The following ABLIM3 variants were observed in gnomAD, a reference collection of about 807,000 sequenced individuals.
ABLIM3 encodes the protein actin binding LIM protein family member 3.
ABLIM3 carries 61 observed loss-of-function variants against 109.5 expected under a neutral mutation model. The ratio of observed to expected loss-of-function variants is 0.56; its 90% CI spans 0.45 to 0.69. ABLIM3 has a LOEUF of 0.69. ABLIM3 is among the 30% of genes least tolerant of loss of function. The pLI, the probability that ABLIM3 is intolerant of heterozygous loss-of-function variation, is 0.00. For missense variants in ABLIM3, 796 were observed against 889.5 expected (o/e 0.89, Z 1.34); for synonymous variants, 300 against 324.8 (o/e 0.92, Z 0.82).
At chr5:149,246,460 G>T (rs746170890) in intron 16 of ABLIM3, 22 bp from the exon 17 acceptor site, 33 of 1,613,604 alleles carry the variant, frequency 2.0e-5, no homozygotes, top group Non-Finnish European at 2.5e-5. Context: ...TGCCGGAGCT[G>T]ATCTTTTCTG....
chr5:149,177,732 G>T (rs770990353), intron 2 of ABLIM3, among the ~76,000 whole-genome samples: 5 of 152,230 alleles, frequency 3.3e-5, no homozygotes, highest in African/African-American at 4.8e-5. Flanking sequence ...TTTGAGCAAA[G>T]CTCAGTGGGT....
chr5:149,206,928 G>T, intron 5 of ABLIM3, 80 bp from the exon 6 acceptor site: 10 of 1,544,332 alleles, frequency 6.5e-6, no homozygotes, highest in Non-Finnish European at 7.9e-6. Flanking sequence ...TCAGGGAGGG[G>T]TTTCCTTGAC....
At chr5:149,159,257 TA>T (rs1423278256) in intron 2 of ABLIM3, among the ~76,000 whole-genome samples, 2 of 152,142 alleles carry the variant, frequency 1.3e-5, no homozygotes, top group African/African-American at 4.8e-5. Flanking sequence ...ACATGCTGAG[TA>T]AAAGAAATCA....
intron 19 of ABLIM3, 85 bp from the exon 20 acceptor site, chr5:149,250,362 G>A: frequency 7.2e-7 from 1 of 1,394,072 alleles, no homozygotes; most frequent in South Asian, 1.2e-5. Flanking sequence ...TGGGAGCAGT[G>A]TTGGCCATTG....
intron 2 of ABLIM3, among the ~76,000 whole-genome samples, chr5:149,167,262 G>C (rs1201048376): frequency 6.6e-6 from 1 of 152,136 alleles, no homozygotes. Flanking sequence ...TAGAGGTGAT[G>C]TGTGATGCAG....
intron 8 of ABLIM3, among the ~76,000 whole-genome samples, chr5:149,223,756 G>T (rs959224966): frequency 6.6e-6 from 1 of 152,188 alleles, no homozygotes; most frequent in African/African-American, 2.4e-5. Flanking sequence ...AGGACCTGTT[G>T]CCCACACTCA....
intron 8 of ABLIM3, chr5:149,217,911 C>A (rs1446771557): frequency 2.0e-5 from 3 of 152,182 alleles, no homozygotes; most frequent in Admixed American, 1.3e-4. Context: ...TGGTGAGGCT[C>A]ACCCAGCCCT....
In ABLIM3 at chr5:149,225,972, GTGTGTGTGTGTATATATA is replaced by G. The variant is rs1761171621; in HGVS notation, c.758-4675_758-4658del. 4.1e-5 allele frequency among the ~76,000 whole-genome samples: 3 copies of G among 73,952 alleles called. No individual in the cohort carries two copies. In the South Asian group the frequency reaches 1.3e-3, roughly 33 times the overall value. 48.5% of individuals were successfully genotyped at this position (73,952 alleles called of 152,430 possible). A position where few individuals can be genotyped will look rare whatever the true frequency, so the allele number is the denominator to read the frequency against. ...ATGTATATAATATGTGTGTGTGTGT[GTGTGTGTGTGTATATATA>G]TATATATATATATATATATATATAT... On this transcript the variant is annotated intron_variant, in intron 8 of 23. Transcript: ENST00000309868.
chr5:149,173,591 C>T (rs1339546963), intron 2 of ABLIM3, among the ~76,000 whole-genome samples: 1 of 152,158 alleles, frequency 6.6e-6, no homozygotes, highest in Non-Finnish European at 1.5e-5. Flanking sequence ...CAAGGGGTGG[C>T]ACTCCAGGCC....
intron 2 of ABLIM3, 70 bp downstream of exon 2, chr5:149,142,178 G>C (rs983222361): frequency 1.9e-6 from 3 of 1,587,918 alleles, no homozygotes; most frequent in African/African-American, 1.3e-5. Flanking sequence ...GCCTGCGCTC[G>C]GGCTGCCTGG....
intron 18 of ABLIM3, among the ~76,000 whole-genome samples, chr5:149,249,562 C>T (rs1046291863): frequency 2.0e-5 from 3 of 152,226 alleles, no homozygotes; most frequent in African/African-American, 7.2e-5. Flanking sequence ...TGTTCAACCA[C>T]ATCTGTGCAA....
chr5:149,147,306 A>G (rs1434567543), intron 2 of ABLIM3, among the ~76,000 whole-genome samples: 1 of 152,124 alleles, frequency 6.6e-6, no homozygotes, highest in Non-Finnish European at 1.5e-5. Context: ...AGCTTTTTCC[A>G]TATCTTTTGA....
chr5:149,251,208 A>T, intron 20 of ABLIM3, 151 bp from the exon 21 acceptor site: 1 of 725,308 alleles, frequency 1.4e-6, no homozygotes, highest in African/African-American at 1.7e-5. Flanking sequence ...GGGATATAGC[A>T]GCGAGTTAAG....
At chr5:149,209,806 G>A (rs779026834) in intron 6 of ABLIM3, among the ~76,000 whole-genome samples, 2 of 152,160 alleles carry the variant, frequency 1.3e-5, no homozygotes, top group Non-Finnish European at 2.9e-5. Flanking sequence ...TCCAGACCTT[G>A]GTCGGACATC....
chr5:149,216,884 A>T, intron 7 of ABLIM3, 75 bp from the exon 8 acceptor site: 1 of 1,333,868 alleles, frequency 7.5e-7, no homozygotes, highest in Non-Finnish European at 1.1e-6. Context: ...TACCCAGGAA[A>T]GATTCAAACC....
At chr5:149,213,374 A>G (rs1759752625) in intron 7 of ABLIM3, among the ~76,000 whole-genome samples, 2 of 152,206 alleles carry the variant, frequency 1.3e-5, no homozygotes, top group South Asian at 4.1e-4. Flanking sequence ...GCATTCAGTG[A>G]AAGGACAGAG....
At position 149,240,713 on chromosome 5, in the gene ABLIM3, G is replaced by C. The variant is rs201015850; in HGVS notation, c.1242G>C (p.Gln414His). ...ESGRSSPYHS[Q>H]LDVRSSTPTS... Reference sequence around the variant, plus strand: ...GCCGGAGCTCTCCATACCATAGCCAGTTAGATGTGAGGTCCTCCACTCCAA... The same window carrying C: ...GCCGGAGCTCTCCATACCATAGCCACTTAGATGTGAGGTCCTCCACTCCAA... The change falls in exon 14 of 24, where the codon CAG (glutamine) becomes CAC (histidine). Residue 414 changes from glutamine (Q) to histidine (H), a missense_variant. Transcript: ENST00000309868. 1 of 1,614,150 alleles carries C rather than the reference G, an allele frequency of 6.2e-7. No individual in the cohort carries two copies. Among genetic ancestry groups the C allele is most frequent in the African/African-American group, 1.3e-5 (1 of 75,042 alleles).
At chr5:149,195,512 T>A (rs947949730) in intron 3 of ABLIM3, among the ~76,000 whole-genome samples, 5 of 152,144 alleles carry the variant, frequency 3.3e-5, no homozygotes, top group Admixed American at 3.3e-4. Context: ...CTCCTTCAGC[T>A]CCTTGGGGGC....
Position 149,141,976 on chromosome 5 carries a change from G to A in ABLIM3, c.-87-33G>A, listed in dbSNP as rs1048551919. On this transcript the variant is annotated intron_variant, in intron 1 of 23. Transcript: ENST00000309868. Reference sequence around the variant, plus strand: ...GGGAGAGAGAGCACCTGAGGATACAGAGCTGGCACTGGACTGCCTTTTCAC... The same window carrying A: ...GGGAGAGAGAGCACCTGAGGATACAAAGCTGGCACTGGACTGCCTTTTCAC... 2.1e-5 allele frequency: 29 copies of A among 1,401,436 alleles called. No individual in the cohort carries two copies. In the African/African-American group the frequency reaches 4.1e-4, roughly 20 times the overall value. 86.8% of individuals were successfully genotyped at this position (1,401,436 alleles called of 1,614,324 possible). A position where few individuals can be genotyped will look rare whatever the true frequency, so the allele number is the denominator to read the frequency against.
Sources: gnomAD v4.1 joint callset for allele counts (sites outside exome capture counted in the v4.1 genomes callset) on GRCh38, gnomAD v4.1.1 for gene constraint, MANE v1.5 for transcripts, NCBI Gene and HGNC (gene_info 2026-07-23, HGNC 2026-07-21) for gene names.